Variants in GPC5 observed in about 807,000 individuals in gnomAD.
The protein encoded by GPC5 is glypican 5.
GPC5 carries 47 observed loss-of-function variants against 53.9 expected under a neutral mutation model. The observed-to-expected ratio is 0.87, with a 90% CI of 0.69 to 1.11. The LOEUF (loss-of-function observed/expected upper bound fraction) is 1.11. Among genes scored for constraint, GPC5 ranks in the 50% most tolerant of loss-of-function variants. The probability of loss-of-function intolerance (pLI) is 0.00; values close to 1 mark genes in which losing one functional copy is unlikely to be tolerated. For missense variants in GPC5, 748 were observed against 713.1 expected, an observed-to-expected ratio of 1.05 and a Z score of -0.56; for synonymous variants, 286 against 263.3, an observed-to-expected ratio of 1.09 and a Z score of -0.84.
intron 7 of GPC5, among the ~76,000 whole-genome samples, chr13:92,327,840 C>T (rs2043262549): frequency 6.6e-6 from 1 of 152,106 alleles, no homozygotes; most frequent in Non-Finnish European, 1.5e-5. Flanking sequence ...CACTCACTTC[C>T]CAAACACAGC....
At chr13:92,398,914 T>A (rs1485461666) in intron 7 of GPC5, among the ~76,000 whole-genome samples, 1 of 152,142 alleles carries the variant, frequency 6.6e-6, no homozygotes, top group Non-Finnish European at 1.5e-5. Context: ...CCCCCACCTT[T>A]CCATCCTAAC....
At chr13:91,417,577 GA>G (rs1878325825) in intron 1 of GPC5, among the ~76,000 whole-genome samples, 1 of 152,098 alleles carries the variant, frequency 6.6e-6, no homozygotes. Flanking sequence ...AAGTTGTTTT[GA>G]AACAAAGAGA....
intron 2 of GPC5, among the ~76,000 whole-genome samples, chr13:91,630,866 A>G (rs1326744): frequency 0.53 from 80,706 of 151,928 alleles, 22,716 homozygotes; most frequent in Non-Finnish European, 0.61. Context: ...GTTTTTTTAA[A>G]TGAATATCCC....
intron 6 of GPC5, among the ~76,000 whole-genome samples, chr13:92,056,520 A>G (rs1397620894): frequency 6.6e-6 from 1 of 152,152 alleles, no homozygotes; most frequent in African/African-American, 2.4e-5. Flanking sequence ...TTCCATTTAT[A>G]TCATTTGTAG....
intron 5 of GPC5, among the ~76,000 whole-genome samples, chr13:91,902,528 A>G (rs1265414110): frequency 6.6e-6 from 1 of 151,964 alleles, no homozygotes; most frequent in Non-Finnish European, 1.5e-5. Flanking sequence ...TGGTGGGTCT[A>G]TTACTTCCCC....
chr13:91,910,283 G>A (rs2039597433), intron 6 of GPC5, among the ~76,000 whole-genome samples: 1 of 152,124 alleles, frequency 6.6e-6, no homozygotes, highest in African/African-American at 2.4e-5. Flanking sequence ...TCAATATCAA[G>A]GGATGGCTAA....
rs1884209254 is a variant in GPC5 at position 91,495,607 on chromosome 13, T to TACTCCCC, written c.325+46694_325+46700dup. Among the ~76,000 whole-genome samples the TACTCCCC allele has an allele frequency of 2.6e-5, 4 of 152,370 alleles. No individual in the cohort carries two copies. The South Asian group carries it at 6.2e-4, about 24-fold the overall frequency. ...GCATTTGCTCTTTCCCTGCCTAGAA[T>TACTCCCC]ACTCCCCACTCCCCATCAGGTAGCT... On this transcript the variant is annotated intron_variant, in intron 2 of 7. Transcript: ENST00000377067.
At chr13:92,577,876 G>A (rs1883239940) in intron 7 of GPC5, among the ~76,000 whole-genome samples, 1 of 152,064 alleles carries the variant, frequency 6.6e-6, no homozygotes, top group African/African-American at 2.4e-5. Context: ...TTAAAAAATA[G>A]GCAATAAAGA....
At chr13:91,706,345 A>G (rs1469720567) in intron 3 of GPC5, among the ~76,000 whole-genome samples, 2 of 152,040 alleles carry the variant, frequency 1.3e-5, no homozygotes, top group Non-Finnish European at 2.9e-5. Flanking sequence ...AACAAACCAA[A>G]AAGTTCTTGT....
chr13:91,564,899 T>G (rs530732840), intron 2 of GPC5, among the ~76,000 whole-genome samples: 51 of 151,836 alleles, frequency 3.4e-4, no homozygotes, highest in African/African-American at 1.2e-3. Flanking sequence ...ATAAATTAAA[T>G]AAAATAATTC....
intron 4 of GPC5, among the ~76,000 whole-genome samples, chr13:91,753,279 A>G (rs1207197041): frequency 1.3e-5 from 2 of 152,244 alleles, no homozygotes; most frequent in Admixed American, 1.3e-4. Flanking sequence ...GATAAGGATG[A>G]TCATAAATAT....
At chr13:92,096,944 G>C (rs1296645861) in intron 6 of GPC5, among the ~76,000 whole-genome samples, 5 of 152,340 alleles carry the variant, frequency 3.3e-5, no homozygotes, top group Admixed American at 2.0e-4. Flanking sequence ...GGTCTGAAAA[G>C]AGTGTTTGTA....
At position 91,997,172 on chromosome 13, in the gene GPC5, C is replaced by T. The variant is rs189945032; in HGVS notation, c.1401+89115C>T. ...GTAATGGTACTAACTCACAGAACCACCTGTATATATGATGGTTCTGTTTTG... is the reference window on the plus strand; with the variant it reads ...GTAATGGTACTAACTCACAGAACCATCTGTATATATGATGGTTCTGTTTTG... On this transcript the variant is annotated intron_variant, in intron 6 of 7. Transcript: ENST00000377067. Among the ~76,000 whole-genome samples, 229 of 152,214 alleles carry T rather than the reference C, an allele frequency of 1.5e-3. 1 individual carries two copies. In the Middle Eastern group the frequency reaches 0.051, roughly 34 times the overall value.
chr13:91,595,114 G>C (rs1040172173), intron 2 of GPC5, among the ~76,000 whole-genome samples: 1 of 151,748 alleles, frequency 6.6e-6, no homozygotes, highest in African/African-American at 2.4e-5. Context: ...ACCTCCACCT[G>C]TTGGGTTCAA....
chr13:91,632,524 C>CA (rs2034184268), intron 2 of GPC5, among the ~76,000 whole-genome samples: 1 of 151,706 alleles, frequency 6.6e-6, no homozygotes, highest in Non-Finnish European at 1.5e-5. Context: ...ATATCTGGGC[C>CA]AAAAAACAAA....
At chr13:92,345,482 C>T (rs1042578898) in intron 7 of GPC5, among the ~76,000 whole-genome samples, 3 of 152,126 alleles carry the variant, frequency 2.0e-5, no homozygotes, top group Non-Finnish European at 4.4e-5. Context: ...CCCCAATCCC[C>T]CATGCCACCC....
chr13:92,038,594 A>T (rs1034917166), intron 6 of GPC5, among the ~76,000 whole-genome samples: 2 of 150,910 alleles, frequency 1.3e-5, no homozygotes, highest in Non-Finnish European at 3.0e-5. Context: ...GATCATGCTC[A>T]TAAACTCCTG....
chr13:91,887,326 C>A (rs1478943268), intron 5 of GPC5, among the ~76,000 whole-genome samples: 1 of 152,142 alleles, frequency 6.6e-6, no homozygotes, highest in Admixed American at 6.5e-5. Flanking sequence ...GCAGGGGCAC[C>A]TGCACCTGGC....
chr13:91,647,864 AG>A lies in GPC5; in HGVS notation c.326-45321del, dbSNP rs369778026. Among the ~76,000 whole-genome samples the A allele has an allele frequency of 5.0e-3, 759 of 152,318 alleles. 4 individuals carry two copies. Among genetic ancestry groups the A allele is most frequent in the African/African-American group, 0.018 (732 of 41,568 alleles). Reference sequence around the variant, plus strand: ...TCCCATCTTGGCATCTGTTTCCTAGAGGACTCTTTCTAACACACTGTATAAG... The same window carrying A: ...TCCCATCTTGGCATCTGTTTCCTAGAGACTCTTTCTAACACACTGTATAAG... On this transcript the variant is annotated intron_variant, in intron 2 of 7. Coordinates refer to ENST00000377067, the MANE Select transcript of GPC5 (RefSeq NM_004466.6).
Sources: allele counts gnomAD v4.1 joint callset (sites outside exome capture counted in the v4.1 genomes callset), GRCh38; gene constraint gnomAD v4.1.1; transcripts MANE v1.5; gene names NCBI Gene and HGNC (gene_info 2026-07-23, HGNC 2026-07-21).